Variants in RRP15 observed in about 807,000 individuals in gnomAD.
RRP15 encodes RRP15-like protein.
Under a neutral mutation model 27.1 loss-of-function variants are expected in RRP15, and 18 were observed. That is an observed-to-expected ratio of 0.66 (90% CI 0.46 to 0.98). RRP15 has a LOEUF of 0.98. Ranked by LOEUF, RRP15 falls within the 50% of genes least tolerant of loss-of-function variation. RRP15 has a pLI of 0.00. For synonymous variants in RRP15, 107 were observed against 109.4 expected (o/e 0.98, Z 0.14); for missense variants, 359 against 337.8 (o/e 1.06, Z -0.49).
intron 3 of RRP15, among the ~76,000 whole-genome samples, chr1:218,305,648 C>G (rs1403016728): frequency 6.6e-6 from 1 of 152,180 alleles, no homozygotes; most frequent in East Asian, 1.9e-4. Flanking sequence ...AGAATTATGT[C>G]TATGTGTTGG....
chr1:218,302,625 C>G, intron 2 of RRP15, 66 bp downstream of exon 2: 1 of 1,545,944 alleles, frequency 6.5e-7, no homozygotes, highest in Non-Finnish European at 8.7e-7. Flanking sequence ...CTTGACCGAA[C>G]TGTTTCTTGC....
At chr1:218,326,023 G>A (rs1656266268) in intron 4 of RRP15, among the ~76,000 whole-genome samples, 1 of 151,950 alleles carries the variant, frequency 6.6e-6, no homozygotes, top group Non-Finnish European at 1.5e-5. Context: ...AGCAACTGTT[G>A]GCCGAGTGTG....
chr1:218,328,781 T>C (rs1656318169), intron 4 of RRP15, among the ~76,000 whole-genome samples: 1 of 151,738 alleles, frequency 6.6e-6, no homozygotes, highest in African/African-American at 2.4e-5. Flanking sequence ...CAACTAGAGG[T>C]TGGTTGTCAG....
chr1:218,311,959 G>A (rs867653643), intron 4 of RRP15, among the ~76,000 whole-genome samples: 1 of 152,220 alleles, frequency 6.6e-6, no homozygotes, highest in South Asian at 2.1e-4. Context: ...TTGACAGACA[G>A]AATCGGAGCA....
rs1655878501 is a variant in RRP15 at position 218,305,115 on chromosome 1, A to G, written c.493A>G (p.Ile165Val). Residue 165 changes from isoleucine to valine, a missense_variant, in exon 3 of 5, where the codon ATT (isoleucine) becomes GTT (valine). Physicochemically the swap from Ile to Val is conservative, Grantham distance 29 (BLOSUM62 3). Coordinates refer to ENST00000366932, the MANE Select transcript of RRP15 (RefSeq NM_016052.4). ...DKETERNLQRIATRGVVQLFN... is the reference protein window; with the variant it reads ...DKETERNLQRVATRGVVQLFN... ...AGAGACAGAGAGAAATCTTCAGAGA[A>G]TTGCAACAAGGTAAGGTAGTGTTTT... The G allele has an allele frequency of 6.2e-6, 10 of 1,612,442 alleles. 1 individual carries two copies. Among genetic ancestry groups the G allele is most frequent in the Non-Finnish European group, 8.5e-6 (10 of 1,178,560 alleles).
intron 1 of RRP15, among the ~76,000 whole-genome samples, chr1:218,288,680 A>G (rs915834432): frequency 1.3e-5 from 2 of 152,238 alleles, no homozygotes; most frequent in African/African-American, 4.8e-5. Flanking sequence ...AGATAATTTT[A>G]AAAAGTATCT....
chr1:218,320,206 CCCCTTCCCCCCA>C (rs1452622064), intron 4 of RRP15, among the ~76,000 whole-genome samples: 3 of 151,748 alleles, frequency 2.0e-5, no homozygotes, highest in Non-Finnish European at 4.4e-5. Context: ...GCTATCCCTC[CCCCTTCCCCCCA>C]CCCCACAACA....
Position 218,301,306 on chromosome 1 carries a change from T to C in RRP15, c.140-988T>C, listed in dbSNP as rs1247831292. On this transcript the variant is annotated intron_variant, in intron 1 of 4. Transcript: ENST00000366932. The stretch of plus-strand genomic sequence containing the variant: ...CTAAGCTATTGGATGATTGTCTTCT[T>C]CCAAGTATTTCCTAATAAGTTCTGC... 2.0e-5 allele frequency: 3 copies of C among 152,320 alleles called. No individual in the cohort carries two copies. In the East Asian group the frequency reaches 5.8e-4, roughly 29 times the overall value. 9.4% of individuals were successfully genotyped at this position (152,320 alleles called of 1,614,324 possible). A position where few individuals can be genotyped will look rare whatever the true frequency, so the allele number is the denominator to read the frequency against.
chr1:218,331,755 C>T lies in RRP15; in HGVS notation c.*664C>T, dbSNP rs1656373769. 1 of 143,374 alleles carries T rather than the reference C, an allele frequency of 7.0e-6. No homozygotes were observed. The highest frequency in any genetic ancestry group is 2.6e-5 in the African/African-American group (1 of 39,006). 8.9% of individuals were successfully genotyped at this position (143,374 alleles called of 1,614,324 possible). ...TGGCGTGATCTCGGCTCACTGCAAG[C>T]ACCGCCTCCCAGGTTCACGCCATTC... On this transcript the variant is annotated 3_prime_UTR_variant, in exon 5 of 5. Coordinates refer to ENST00000366932, the MANE Select transcript of RRP15 (RefSeq NM_016052.4).
intron 1 of RRP15, among the ~76,000 whole-genome samples, chr1:218,296,148 T>G (rs1273509524): frequency 6.6e-6 from 1 of 152,216 alleles, no homozygotes; most frequent in Non-Finnish European, 1.5e-5. Flanking sequence ...AAATTCAAGC[T>G]TTATTAAACT....
chr1:218,298,475 A>G (rs1655757341), intron 1 of RRP15, among the ~76,000 whole-genome samples: 1 of 152,176 alleles, frequency 6.6e-6, no homozygotes. Flanking sequence ...ATAAGTGCTC[A>G]GTGAATGTTG....
chr1:218,300,506 A>G (rs1655795865), intron 1 of RRP15, among the ~76,000 whole-genome samples: 1 of 152,188 alleles, frequency 6.6e-6, no homozygotes, highest in South Asian at 2.1e-4. Flanking sequence ...AAGTATTGTA[A>G]TCACTTGCTA....
chr1:218,306,059 G>A (rs1421845593), intron 3 of RRP15, among the ~76,000 whole-genome samples: 1 of 152,264 alleles, frequency 6.6e-6, no homozygotes, highest in African/African-American at 2.4e-5. Flanking sequence ...GTACATGAGA[G>A]TGAGTGCCTC....
At chr1:218,299,129 T>C (rs902982212) in intron 1 of RRP15, among the ~76,000 whole-genome samples, 4 of 152,334 alleles carry the variant, frequency 2.6e-5, no homozygotes, top group African/African-American at 9.6e-5. Context: ...TAATCTTTGA[T>C]ATCCTAGAAG....
Position 218,337,372 on chromosome 1 carries a change from CAG to C in RRP15, c.*6283_*6284del, listed in dbSNP as rs1656465202. 1 of 152,132 alleles carries C rather than the reference CAG, an allele frequency of 6.6e-6. No homozygotes were observed. The highest frequency in any genetic ancestry group is 2.1e-4 in the South Asian group (1 of 4,832). 9.4% of individuals were successfully genotyped at this position (152,132 alleles called of 1,614,324 possible). Reference sequence around the variant, plus strand: ...CTTCCTCAGGAAAAGATTCTGATGACAGAAAATGCTGTGTGAACAGTATTATA... The same window carrying C: ...CTTCCTCAGGAAAAGATTCTGATGACAAAATGCTGTGTGAACAGTATTATA... On this transcript the variant is annotated 3_prime_UTR_variant, in exon 5 of 5. Transcript: ENST00000366932.
chr1:218,315,823 T>C lies in RRP15; in HGVS notation c.705+8191T>C, dbSNP rs77446352. Among the ~76,000 whole-genome samples the C allele has an allele frequency of 3.3e-5, 5 of 152,224 alleles. No individual in the cohort carries two copies. The East Asian group carries it at 9.7e-4, about 30-fold the overall frequency. ...AAGGAGGTAGAGAAAGATGCTGTCC[T>C]TAGATTGCCTCTGCATTGCAGGACA... On this transcript the variant is annotated intron_variant, in intron 4 of 4. Coordinates refer to ENST00000366932, the MANE Select transcript of RRP15 (RefSeq NM_016052.4).
intron 1 of RRP15, 136 bp downstream of exon 1, chr1:218,285,591 CT>C: frequency 9.2e-7 from 1 of 1,092,102 alleles, no homozygotes; most frequent in Non-Finnish European, 1.3e-6. Flanking sequence ...GCGACTTTGG[CT>C]TAGTGAGGAG....
rs1172068953 is a variant in RRP15, at chr1:218,323,334, AGAG to A, written c.706-7610_706-7608del. 4.6e-5 allele frequency among the ~76,000 whole-genome samples: 7 copies of A among 152,320 alleles called. No homozygotes were observed. In the East Asian group the frequency reaches 1.4e-3, roughly 30 times the overall value. On this transcript the variant is annotated intron_variant, in intron 4 of 4. Transcript: ENST00000366932. ...GACAAGTGGAGGATGAGCAAGATGA[AGAG>A]GAGCTTTATTGAGCGATAGAACAGA...
In RRP15 at chr1:218,285,405, C is replaced by T; in HGVS notation, c.89C>T (p.Ala30Val). The part of the protein sequence containing the change: ...PKKKMKMVTG[A>V]VASVLEDEAT... ...AAGAAGATGAAAATGGTAACTGGAG[C>T]CGTAGCGTCGGTGCTGGAAGACGAG... Residue 30 changes from alanine (A) to valine (V), a missense_variant, in exon 1 of 5, where the codon GCC becomes GTC. Ala to Val is a moderately conservative substitution (Grantham distance 64). Transcript: ENST00000366932. 6.2e-7 allele frequency: 1 copy of T among 1,614,070 alleles called. No homozygotes were observed. The highest frequency in any genetic ancestry group is 1.1e-5 in the South Asian group (1 of 91,072).
Sources: gnomAD v4.1 joint callset for allele counts (sites outside exome capture counted in the v4.1 genomes callset) on GRCh38, gnomAD v4.1.1 for gene constraint, MANE v1.5 for transcripts, NCBI Gene and HGNC (gene_info 2026-07-23, HGNC 2026-07-21) for gene names.